Variants in FRMD4B observed in about 807,000 individuals in gnomAD.
The protein encoded by FRMD4B is FERM domain containing 4B.
A neutral mutation model predicts 141.5 loss-of-function variants in FRMD4B; 74 were observed. The observed-to-expected ratio is 0.52, with a 90% CI of 0.43 to 0.63. The LOEUF (loss-of-function observed/expected upper bound fraction) is 0.63. Among genes scored for constraint, FRMD4B ranks in the 30% least tolerant of loss-of-function variants. The pLI is 0.00. For missense variants in FRMD4B, 1,366 were observed against 1,253.4 expected, an observed-to-expected ratio of 1.09 and a Z score of -1.36; for synonymous variants, 506 against 467.9, an observed-to-expected ratio of 1.08 and a Z score of -1.05.
chr3:69,293,874 C>T (rs1700954977), intron 4 of FRMD4B, among the ~76,000 whole-genome samples: 1 of 73,686 alleles, frequency 1.4e-5, no homozygotes, highest in Non-Finnish European at 2.3e-5. Flanking sequence ...GAGCTAGATT[C>T]TGCCTCAAAA....
At chr3:69,373,788 A>G (rs1329950327) in intron 1 of FRMD4B, among the ~76,000 whole-genome samples, 1 of 152,166 alleles carries the variant, frequency 6.6e-6, no homozygotes, top group Non-Finnish European at 1.5e-5. Context: ...CGAGAGGATC[A>G]CTTGAACCCA....
At chr3:69,494,718 C>T (rs536729201) in intron 1 of FRMD4B, among the ~76,000 whole-genome samples, 24 of 152,142 alleles carry the variant, frequency 1.6e-4, no homozygotes, top group African/African-American at 5.8e-4. Context: ...ATGGTGAAAC[C>T]CTGTCTCTAC....
chr3:69,382,954 A>T (rs1166510338), intron 1 of FRMD4B, among the ~76,000 whole-genome samples: 1 of 152,174 alleles, frequency 6.6e-6, no homozygotes, highest in African/African-American at 2.4e-5. Context: ...GACAAAAGTC[A>T]TTTCTTTTTA....
At position 69,259,237 on chromosome 3, in the gene FRMD4B, C is replaced by A. The variant is rs977111898; in HGVS notation, c.502-9138G>T. Among the ~76,000 whole-genome samples the A allele has an allele frequency of 4.6e-5, 7 of 152,208 alleles. No homozygotes were observed. In the South Asian group the frequency reaches 1.5e-3, roughly 32 times the overall value. On this transcript the variant is annotated intron_variant, in intron 5 of 22. Transcript: ENST00000398540. ...TGTGCAGTTCACAATAGGGTTTATG[C>A]CCCTACGAGAATCTAATGCTGCTGC...
rs529532005 is a variant in FRMD4B, at chr3:69,224,502, A to T, written c.665+105T>A. 50 of 703,674 alleles carry T rather than the reference A, an allele frequency of 7.1e-5. No homozygotes were observed. The African/African-American group carries it at 8.0e-4, about 11-fold the overall frequency. The allele number at this position is 703,674 out of a possible 1,614,324, so 43.6% of individuals were successfully genotyped here. A position where few individuals can be genotyped will look rare whatever the true frequency, so the allele number is the denominator to read the frequency against. ...TGGTTACTTTATACAATTGATTGGC[A>T]ATGTGATATTTTTCCCACTTATATT... is the stretch of plus-strand genomic sequence containing the variant. On this transcript the variant is annotated intron_variant, in intron 8 of 22. Coordinates refer to ENST00000398540, the MANE Select transcript of FRMD4B (RefSeq NM_015123.3).
At chr3:69,179,029 T>G (rs564895379) in intron 21 of FRMD4B, among the ~76,000 whole-genome samples, 7 of 151,914 alleles carry the variant, frequency 4.6e-5, no homozygotes, top group South Asian at 2.1e-4. Context: ...TATCACTCCA[T>G]GAGAATGACG....
At chr3:69,205,349 C>G (rs917730244) in intron 11 of FRMD4B, among the ~76,000 whole-genome samples, 2 of 151,986 alleles carry the variant, frequency 1.3e-5, no homozygotes, top group South Asian at 4.1e-4. Flanking sequence ...CTGTTTATTT[C>G]ATTGGGGGTA....
chr3:69,492,109 A>G (rs969735026), intron 1 of FRMD4B, among the ~76,000 whole-genome samples: 1 of 152,144 alleles, frequency 6.6e-6, no homozygotes, highest in Non-Finnish European at 1.5e-5. Flanking sequence ...GGCAATCAAG[A>G]TTCCCTCTCA....
intron 2 of FRMD4B, among the ~76,000 whole-genome samples, chr3:69,429,678 C>T (rs4327395): frequency 0.33 from 49,512 of 150,666 alleles, 8,262 homozygotes; most frequent in African/African-American, 0.35. Context: ...GTATGCAACG[C>T]GGGCAGAAGG....
rs188072926 is a variant in FRMD4B, at chr3:69,401,954, A to G, written c.-1+30680T>C. Among the ~76,000 whole-genome samples, 375 of 152,348 alleles carry G rather than the reference A, an allele frequency of 2.5e-3. 1 individual carries two copies. Among genetic ancestry groups the G allele is most frequent in the African/African-American group, 8.7e-3 (361 of 41,574 alleles). ...GAAAAACTTTTAGTTTAGTAAAAAT[A>G]AAATGTTTTTCATAATAAATGATTA... On this transcript the variant is annotated intron_variant, in intron 2 of 5. Transcript: ENST00000459638.
chr3:69,532,159 G>A (rs1206571511), intron 1 of FRMD4B, among the ~76,000 whole-genome samples: 1 of 152,178 alleles, frequency 6.6e-6, no homozygotes, highest in Non-Finnish European at 1.5e-5. Context: ...AATAAATGCA[G>A]TTAGTTCATT....
chr3:69,233,509 G>C (rs2093325259), intron 7 of FRMD4B, among the ~76,000 whole-genome samples: 1 of 151,332 alleles, frequency 6.6e-6, no homozygotes, highest in East Asian at 1.9e-4. Context: ...AGATTAACTT[G>C]GGTCTGGAGT....
chr3:69,327,683 C>A (rs1345157526), intron 1 of FRMD4B, among the ~76,000 whole-genome samples: 1 of 152,130 alleles, frequency 6.6e-6, no homozygotes, highest in African/African-American at 2.4e-5. Context: ...TGTATTAGGT[C>A]CAGAGTCCTA....
chr3:69,263,396 CTTTTTTTTTTTT>C (rs67497031), intron 5 of FRMD4B, among the ~76,000 whole-genome samples: 6 of 72,922 alleles, frequency 8.2e-5, no homozygotes, highest in African/African-American at 2.9e-4. Flanking sequence ...GTTACATGCA[CTTTTTTTTTTTT>C]TTTTTTTTTT....
At chr3:69,344,239 T>C (rs1702850977) in intron 1 of FRMD4B, among the ~76,000 whole-genome samples, 1 of 152,174 alleles carries the variant, frequency 6.6e-6, no homozygotes, top group Non-Finnish European at 1.5e-5. Flanking sequence ...TCCCTATCCA[T>C]ATACTGCCAG....
At chr3:69,417,954 C>T (rs139340128) in intron 2 of FRMD4B, among the ~76,000 whole-genome samples, 11 of 152,270 alleles carry the variant, frequency 7.2e-5, no homozygotes, top group African/African-American at 2.6e-4. Context: ...TCTCTTTCTC[C>T]TCTGTGTGTC....
At chr3:69,447,441 G>T (rs1360426233) in intron 1 of FRMD4B, among the ~76,000 whole-genome samples, 1 of 152,116 alleles carries the variant, frequency 6.6e-6, no homozygotes, top group Non-Finnish European at 1.5e-5. Context: ...CTTTTTTGAG[G>T]TATAACATAT....
intron 5 of FRMD4B, among the ~76,000 whole-genome samples, chr3:69,259,967 C>T (rs2106844050): frequency 6.6e-6 from 1 of 152,284 alleles, no homozygotes; most frequent in East Asian, 1.9e-4. Flanking sequence ...AATGAAATCG[C>T]TTTATAGTGA....
intron 1 of FRMD4B, among the ~76,000 whole-genome samples, chr3:69,335,487 T>C (rs1023003968): frequency 6.6e-6 from 1 of 151,840 alleles, no homozygotes; most frequent in Non-Finnish European, 1.5e-5. Flanking sequence ...TTCTCCTGCT[T>C]CAGCCTCCCG....
Sources: allele counts gnomAD v4.1 joint callset (sites outside exome capture counted in the v4.1 genomes callset), GRCh38; gene constraint gnomAD v4.1.1; transcripts MANE v1.5; gene names NCBI Gene and HGNC (gene_info 2026-07-23, HGNC 2026-07-21).